The following ZNF423 variants were observed in gnomAD, a reference collection of about 807,000 sequenced individuals.
The protein encoded by ZNF423 is Ebf-associated zinc finger protein.
ZNF423 carries 12 observed loss-of-function variants against 95.8 expected under a neutral mutation model. The ratio of observed to expected loss-of-function variants is 0.13; its 90% CI spans 0.08 to 0.20. The LOEUF is 0.20. Ranked by LOEUF, ZNF423 falls within the 10% of genes least tolerant of loss-of-function variation. The pLI, the probability that ZNF423 is intolerant of heterozygous loss-of-function variation, is 1.00. For missense variants in ZNF423, 1,316 were observed against 1,737.1 expected (o/e 0.76, Z 4.31); for synonymous variants, 749 against 711.9 (o/e 1.05, Z -0.83).
At chr16:49,619,935 G>T (rs902976035) in intron 5 of ZNF423, among the ~76,000 whole-genome samples, 1 of 152,124 alleles carries the variant, frequency 6.6e-6, no homozygotes, top group African/African-American at 2.4e-5. Flanking sequence ...TGTCCTCCTT[G>T]GACCAGAGAC....
intron 1 of ZNF423, chr16:49,854,500 T>C (rs1471691046): frequency 2.0e-6 from 2 of 985,348 alleles, no homozygotes; most frequent in Non-Finnish European, 2.4e-6. Context: ...AGAGCAGAAC[T>C]GGGCTCAGGC....
At chr16:49,820,073 CATGGATGGATGG>C (rs2034917832) in intron 1 of ZNF423, among the ~76,000 whole-genome samples, 1 of 141,732 alleles carries the variant, frequency 7.1e-6, no homozygotes, top group African/African-American at 2.7e-5. Context: ...TGGATGGATG[CATGGATGGATGG>C]GTGGATGGAT....
At chr16:49,759,562 G>A (rs2033789462) in intron 2 of ZNF423, among the ~76,000 whole-genome samples, 1 of 152,176 alleles carries the variant, frequency 6.6e-6, no homozygotes. Flanking sequence ...GCAGCCTCAG[G>A]AGCAGCACAT....
intron 3 of ZNF423, among the ~76,000 whole-genome samples, chr16:49,702,596 G>A (rs897956132): frequency 2.0e-5 from 3 of 152,246 alleles, no homozygotes; most frequent in African/African-American, 7.2e-5. Flanking sequence ...CCCTCAAGGA[G>A]AGGCTGGATG....
chr16:49,675,146 A>G (rs1338663194), intron 3 of ZNF423, among the ~76,000 whole-genome samples: 1 of 152,196 alleles, frequency 6.6e-6, no homozygotes, highest in Non-Finnish European at 1.5e-5. Context: ...CTGGTCTACT[A>G]ACATGCTGTG....
chr16:49,783,925 G>T (rs1275835518), intron 2 of ZNF423, among the ~76,000 whole-genome samples: 1 of 149,286 alleles, frequency 6.7e-6, no homozygotes, highest in Non-Finnish European at 1.5e-5. Context: ...AGCCAAGATG[G>T]TGCCACTACA....
intron 3 of ZNF423, among the ~76,000 whole-genome samples, chr16:49,669,023 T>C (rs190237159): frequency 2.4e-4 from 36 of 151,962 alleles, no homozygotes; most frequent in African/African-American, 8.2e-4. Context: ...GAGTGGGGAG[T>C]GCAGCATGGT....
Position 49,848,210 on chromosome 16 carries a change from C to T in ZNF423, c.40+7525G>A, listed in dbSNP as rs190695781. Among the ~76,000 whole-genome samples the T allele has an allele frequency of 1.1e-3, 174 of 152,226 alleles. 1 individual carries two copies. Among genetic ancestry groups the T allele is most frequent in the African/African-American group, 4.1e-3 (171 of 41,526 alleles). ...GGGGGATGAAGAGATCTAAGCCCCTCCTCAGACCAGCCAGGTGAGCATCTG... is the reference window on the plus strand; with the variant it reads ...GGGGGATGAAGAGATCTAAGCCCCTTCTCAGACCAGCCAGGTGAGCATCTG... On this transcript the variant is annotated intron_variant, in intron 1 of 7. Transcript: ENST00000563137.
chr16:49,497,387 C>A (rs1483320503), intron 7 of ZNF423, among the ~76,000 whole-genome samples: 2 of 152,184 alleles, frequency 1.3e-5, no homozygotes, highest in Non-Finnish European at 2.9e-5. Context: ...GTGCCGATGG[C>A]CAAACTCATA....
rs117307741 is a variant in ZNF423 at position 49,574,346 on chromosome 16, A to G, written c.3602-48852T>C. Among the ~76,000 whole-genome samples the G allele has an allele frequency of 2.0e-5, 3 of 152,348 alleles. No homozygotes were observed. The East Asian group carries it at 5.8e-4, about 29-fold the overall frequency. ...CTGCAGTGAGCTATGATAGCACCACAGCACTCCAGTGACAGAGCAAGATCC... is the reference window on the plus strand; with the variant it reads ...CTGCAGTGAGCTATGATAGCACCACGGCACTCCAGTGACAGAGCAAGATCC... On this transcript the variant is annotated intron_variant, in intron 5 of 7. Coordinates refer to ENST00000563137, the MANE Select transcript of ZNF423 (RefSeq NM_001379286.1).
chr16:49,681,314 C>T (rs2031345276), intron 3 of ZNF423, among the ~76,000 whole-genome samples: 1 of 152,222 alleles, frequency 6.6e-6, no homozygotes, highest in Admixed American at 6.5e-5. Context: ...GACTACACAG[C>T]TCCCATGTCT....
intron 1 of ZNF423, among the ~76,000 whole-genome samples, chr16:49,843,136 C>T (rs909158613): frequency 6.6e-6 from 1 of 152,104 alleles, no homozygotes; most frequent in African/African-American, 2.4e-5. Flanking sequence ...CGAGTGAATA[C>T]CCTTTGACCC....
At chr16:49,827,491 G>T (rs986467429) in intron 1 of ZNF423, among the ~76,000 whole-genome samples, 4 of 151,792 alleles carry the variant, frequency 2.6e-5, no homozygotes, top group African/African-American at 9.7e-5. Context: ...TACTTGATTG[G>T]ATGGAAGAAT....
intron 7 of ZNF423, among the ~76,000 whole-genome samples, chr16:49,496,669 T>G (rs1967177827): frequency 6.6e-6 from 1 of 152,228 alleles, no homozygotes; most frequent in African/African-American, 2.4e-5. Context: ...ACAGATGCCC[T>G]GAGGACTCAG....
intron 3 of ZNF423, among the ~76,000 whole-genome samples, chr16:49,706,043 G>A (rs1475197693): frequency 6.6e-6 from 1 of 152,116 alleles, no homozygotes; most frequent in South Asian, 2.1e-4. Context: ...GCGGGGTGGT[G>A]TTTAACGCAG....
intron 2 of ZNF423, chr16:49,731,541 G>T: frequency 4.8e-6 from 1 of 206,996 alleles, no homozygotes; most frequent in Non-Finnish European, 8.5e-6. Context: ...GGCTGGGCAT[G>T]GAATCTCACA....
At chr16:49,783,968 C>CAAAA (rs57994963) in intron 2 of ZNF423, among the ~76,000 whole-genome samples, 1 of 87,738 alleles carries the variant, frequency 1.1e-5, no homozygotes, top group African/African-American at 4.0e-5. Flanking sequence ...GACTCCAACT[C>CAAAA]AAAAAAAAAA....
At chr16:49,510,062 C>T (rs560392373) in intron 7 of ZNF423, among the ~76,000 whole-genome samples, 1 of 152,366 alleles carries the variant, frequency 6.6e-6, no homozygotes, top group Middle Eastern at 3.4e-3. Flanking sequence ...CGACATCAAG[C>T]GAGTGGCTTA....
At chr16:49,859,057 C>G (rs1597070254), upstream of ZNF423, among the ~76,000 whole-genome samples, 1 of 152,134 alleles carries the variant, frequency 6.6e-6, no homozygotes, top group Admixed American at 6.5e-5. Context: ...CGGATCCTGC[C>G]CAGCCGGGAG....
Sources: gnomAD v4.1 joint callset for allele counts (sites outside exome capture counted in the v4.1 genomes callset) on GRCh38, gnomAD v4.1.1 for gene constraint, MANE v1.5 for transcripts, NCBI Gene and HGNC (gene_info 2026-07-23, HGNC 2026-07-21) for gene names.